ZFYVE26: variants seen among roughly 807,000 people sequenced by gnomAD.
The protein encoded by ZFYVE26 is zinc finger FYVE-type containing 26.
In ZFYVE26, 181 loss-of-function variants were observed where a neutral mutation model predicts 276.5. The observed-to-expected ratio is 0.65, with a 90% CI of 0.58 to 0.74. The LOEUF (loss-of-function observed/expected upper bound fraction) is 0.74. ZFYVE26 is among the 30% of genes least tolerant of loss of function. The pLI, the probability that ZFYVE26 is intolerant of heterozygous loss-of-function variation, is 0.00. For missense variants in ZFYVE26, 2,821 were observed against 3,097.9 expected (o/e 0.91, Z 2.12); for synonymous variants, 1,129 against 1,203.1 (o/e 0.94, Z 1.27).
intron 30 of ZFYVE26, among the ~76,000 whole-genome samples, 168 bp downstream of exon 30, chr14:67,768,349 G>A (rs1357611691): frequency 6.6e-6 from 1 of 152,214 alleles, no homozygotes; most frequent in Non-Finnish European, 1.5e-5. Flanking sequence ...TTAATATGAT[G>A]AACTTCAGAG....
At chr14:67,745,999 A>T (rs2038482194), downstream of ZFYVE26, among the ~76,000 whole-genome samples, 1 of 150,638 alleles carries the variant, frequency 6.6e-6, no homozygotes, top group Non-Finnish European at 1.5e-5. Context: ...CACCCATCGG[A>T]CTAGCATAGA....
In ZFYVE26 at chr14:67,769,714, T is replaced by A; in HGVS notation, c.5501A>T (p.His1834Leu). Residue 1834 changes from histidine (H) to leucine (L), a missense_variant, in exon 29 of 42, where the codon CAT (histidine) becomes CTT (leucine). His to Leu is a moderately conservative substitution (Grantham distance 99). Transcript: ENST00000347230. ...CACTAGCCGGCCACAGCGGCGACAA[T>A]GATGACGCCTGTTAAACTGAGGAAT... ...EHFTMFNRRH[H>L]CRRCGRLVCS... 1 of 1,614,018 alleles carries A rather than the reference T, an allele frequency of 6.2e-7. No individual in the cohort carries two copies. The highest frequency in any genetic ancestry group is 8.5e-7 in the Non-Finnish European group (1 of 1,180,004).
At position 67,762,310 on chromosome 14, in the gene ZFYVE26, G is replaced by A. The variant is rs747542484; in HGVS notation, c.6262C>T (p.Arg2088Cys). ...NLTAAREKFS[R>C]CLKPPFDLNQ... ...AGGTCAAATGGGGGCTTCAGACAGC[G>A]ACTGAACTTCTCCCGTGCAGCAGTG... Residue 2088 changes from arginine (R) to cysteine (C), a missense_variant, in exon 34 of 42, where the codon CGC becomes TGC. Arg to Cys is a radical substitution (Grantham distance 180). Coordinates refer to ENST00000347230, the MANE Select transcript of ZFYVE26 (RefSeq NM_015346.4). 54 of 1,614,024 alleles carry A rather than the reference G, an allele frequency of 3.3e-5. No individual in the cohort carries two copies. The highest frequency in any genetic ancestry group is 4.3e-5 in the Non-Finnish European group (51 of 1,180,040).
Position 67,807,450 on chromosome 14 carries a change from G to T in ZFYVE26, c.834C>A (p.Thr278=). Residue 278 remains threonine, a synonymous_variant, in exon 5 of 42, where the codon ACC becomes ACA. Coordinates refer to ENST00000347230, the MANE Select transcript of ZFYVE26 (RefSeq NM_015346.4). ...GCTTTTCTGTGACCTTCTCTGCATA[G>T]GTATGGCCATACAGGGACAGCAGGC... ...SRGLLSLYGH[T]YAEKVTEKPP... 6.2e-7 allele frequency: 1 copy of T among 1,614,186 alleles called. No homozygotes were observed. Among genetic ancestry groups the T allele is most frequent in the South Asian group, 1.1e-5 (1 of 91,076 alleles).
downstream of ZFYVE26, chr14:67,746,511 A>C (rs2038491335): frequency 6.6e-6 from 1 of 152,192 alleles, no homozygotes; most frequent in African/African-American, 2.4e-5. Context: ...AGAAGTTATG[A>C]AGCCAAGAAA....
rs2038541019 is a variant in ZFYVE26, at chr14:67,748,358, G to A, written c.*78C>T. The A allele has an allele frequency of 6.7e-7, 1 of 1,492,386 alleles. No homozygotes were observed. Among genetic ancestry groups the A allele is most frequent in the Admixed American group, 1.8e-5 (1 of 55,978 alleles). The allele number at this position is 1,492,386 out of a possible 1,614,324, so 92.4% of individuals were successfully genotyped here. ...GCCAGAGAAGTCCCACTCCACTGGA[G>A]GAAAGAGGTGGAGGGCATCGCCATC... On this transcript the variant is annotated 3_prime_UTR_variant, in exon 42 of 42. Coordinates refer to ENST00000347230, the MANE Select transcript of ZFYVE26 (RefSeq NM_015346.4).
chr14:67,789,124 T>TA (rs1264381504), intron 16 of ZFYVE26, among the ~76,000 whole-genome samples: 4 of 152,254 alleles, frequency 2.6e-5, no homozygotes, highest in African/African-American at 9.6e-5. Flanking sequence ...AATTCACCTA[T>TA]AATTCAATAA....
rs182102371 is a variant in ZFYVE26 at position 67,799,303 on chromosome 14, A to G, written c.1640-681T>C. ...TGCAGTACACAGAGGAACCCAGGAT[A>G]AGGAATATTGTTCAGCAAGCTATTG... On this transcript the variant is annotated intron_variant, in intron 10 of 41. Coordinates refer to ENST00000347230, the MANE Select transcript of ZFYVE26 (RefSeq NM_015346.4). 4.2e-5 allele frequency: 67 copies of G among 1,613,522 alleles called. No individual in the cohort carries two copies. The African/African-American group carries it at 7.9e-4, about 19-fold the overall frequency.
At position 67,733,666 on chromosome 14, in the gene ZFYVE26, C is replaced by A. The variant is rs61991869; in HGVS notation, n.2680-3847G>T. 96,708 of 910,848 alleles carry A rather than the reference C, an allele frequency of 0.11. 6,231 individuals carry two copies. The highest frequency in any genetic ancestry group is 0.13 in the Non-Finnish European group (72,461 of 551,928). 56.4% of individuals were successfully genotyped at this position (910,848 alleles called of 1,614,324 possible). On this transcript the variant is annotated intron_variant and non_coding_transcript_variant, in intron 13 of 14. Transcript: ENST00000394455. ...ATATTGTATTTTATTCATTTAGAAA[C>A]ATTCTGAGAAAGGGACCATAAAGAT...
At chr14:67,743,317 C>T (rs891534480), downstream of ZFYVE26, among the ~76,000 whole-genome samples, 3 of 151,852 alleles carry the variant, frequency 2.0e-5, no homozygotes, top group African/African-American at 7.3e-5. Flanking sequence ...GTGAACAAAC[C>T]CTGTCTCTAC....
chr14:67,751,400 C>A (rs1364903374), intron 40 of ZFYVE26: 4 of 478,492 alleles, frequency 8.4e-6, no homozygotes, highest in Non-Finnish European at 1.5e-5. Context: ...CCAAATGGAT[C>A]ATGAACTTAG....
chr14:67,805,453 C>G lies in ZFYVE26; in HGVS notation c.1182+1G>C. On this transcript the variant is annotated splice_donor_variant, in intron 7 of 41. Transcript: ENST00000347230. LOFTEE classifies it high-confidence loss of function. ...AGCCTGGGATGCTGAGTGAGAGTTA[C>G]CTGGGTCCTGTGCAGGGTCTGGAGC... The G allele has an allele frequency of 6.2e-7, 1 of 1,614,168 alleles. No individual in the cohort carries two copies. The highest frequency in any genetic ancestry group is 8.5e-7 in the Non-Finnish European group (1 of 1,180,026).
Position 67,759,645 on chromosome 14 carries a change from T to C in ZFYVE26, c.6588+1721A>G, listed in dbSNP as rs117654734. On this transcript the variant is annotated intron_variant, in intron 35 of 41. Coordinates refer to ENST00000347230, the MANE Select transcript of ZFYVE26 (RefSeq NM_015346.4). ...CTCAAAAAAAAAAAAAAAAAGTGCA[T>C]GGTATATCAGGAAAATTTAAGTAAT... Among the ~76,000 whole-genome samples, 482 of 118,442 alleles carry C rather than the reference T, an allele frequency of 4.1e-3. 17 individuals carry two copies. In the East Asian group the frequency reaches 0.094, roughly 23 times the overall value. 77.7% of individuals were successfully genotyped at this position (118,442 alleles called of 152,430 possible). A position where few individuals can be genotyped will look rare whatever the true frequency, so the allele number is the denominator to read the frequency against.
intron 13 of ZFYVE26, among the ~76,000 whole-genome samples, chr14:67,740,366 T>G (rs895276043): frequency 1.7e-5 from 2 of 119,536 alleles, no homozygotes; most frequent in African/African-American, 5.2e-5. Context: ...TGTTTTAGAT[T>G]ATTTTTCTTT....
At chr14:67,794,490 A>G (rs950751379) in intron 12 of ZFYVE26, among the ~76,000 whole-genome samples, 1 of 152,254 alleles carries the variant, frequency 6.6e-6, no homozygotes, top group South Asian at 2.1e-4. Flanking sequence ...TGGGTCTCAG[A>G]GCCCCAAGAA....
At chr14:67,811,983 T>A (rs1271051515) in intron 3 of ZFYVE26, among the ~76,000 whole-genome samples, 2 of 148,770 alleles carry the variant, frequency 1.3e-5, no homozygotes, top group Non-Finnish European at 3.0e-5. Context: ...ATATATTTTA[T>A]ATATATTCTC....
chr14:67,809,399 T>C (rs996795768), intron 3 of ZFYVE26, 110 bp from the exon 4 acceptor site: 2 of 694,608 alleles, frequency 2.9e-6, no homozygotes, highest in Non-Finnish European at 4.7e-6. Flanking sequence ...TTCTCTAAGA[T>C]GAAGCACTCT....
At chr14:67,791,134 G>A (rs553869717) in intron 14 of ZFYVE26, among the ~76,000 whole-genome samples, 6 of 152,244 alleles carry the variant, frequency 3.9e-5, no homozygotes, top group African/African-American at 1.4e-4. Context: ...AAATCCTCAG[G>A]AGATGGTGTA....
intron 13 of ZFYVE26, chr14:67,729,857 C>A (rs768582644): frequency 2.2e-6 from 1 of 456,954 alleles, no homozygotes; most frequent in Admixed American, 2.4e-5. Context: ...AGTGCTGAAT[C>A]TTATCATGAA....
Sources: allele counts gnomAD v4.1 joint callset (sites outside exome capture counted in the v4.1 genomes callset), GRCh38; gene constraint gnomAD v4.1.1; transcripts MANE v1.5; gene names NCBI Gene and HGNC (gene_info 2026-07-23, HGNC 2026-07-21).